Variants in HNF4G observed in about 807,000 individuals in gnomAD.
HNF4G encodes the protein hepatocyte nuclear factor 4 gamma.
HNF4G carries 21 observed loss-of-function variants against 50.9 expected under a neutral mutation model. The observed-to-expected ratio is 0.41, with a 90% CI of 0.29 to 0.59. HNF4G has a LOEUF of 0.59. HNF4G is among the 20% of genes least tolerant of loss of function. The pLI is 0.26. For missense variants in HNF4G, 527 were observed against 559.4 expected, an observed-to-expected ratio of 0.94 and a Z score of 0.58; for synonymous variants, 198 against 185.6, an observed-to-expected ratio of 1.07 and a Z score of -0.54.
At chr8:75,541,152 C>A (rs1275961416) in intron 1 of HNF4G, among the ~76,000 whole-genome samples, 1 of 151,884 alleles carries the variant, frequency 6.6e-6, no homozygotes, top group Admixed American at 6.6e-5. Flanking sequence ...TCATCAGAAT[C>A]CTGAATTTAA....
chr8:75,558,765 T>G, intron 7 of HNF4G, 36 bp from the exon 8 acceptor site: 1 of 1,591,646 alleles, frequency 6.3e-7, no homozygotes. Context: ...GTAATTAGGT[T>G]AAATCTGTAC....
upstream of HNF4G, among the ~76,000 whole-genome samples, chr8:75,537,449 T>C (rs1806495711): frequency 6.6e-6 from 1 of 152,074 alleles, no homozygotes; most frequent in African/African-American, 2.4e-5. Context: ...TTTTGCCATG[T>C]TGCTGTGGCT....
At chr8:75,435,110 G>A (rs1476116442) in intron 1 of HNF4G, among the ~76,000 whole-genome samples, 1 of 152,110 alleles carries the variant, frequency 6.6e-6, no homozygotes, top group African/African-American at 2.4e-5. Context: ...AAAATACAAG[G>A]AGGAAAAATA....
intron 1 of HNF4G, among the ~76,000 whole-genome samples, chr8:75,459,534 T>C (rs1563515013): frequency 6.6e-6 from 1 of 152,216 alleles, no homozygotes; most frequent in Non-Finnish European, 1.5e-5. Context: ...GTCTTGATGT[T>C]ATAAGTCTTG....
chr8:75,511,941 T>C (rs1805765849), intron 2 of HNF4G, among the ~76,000 whole-genome samples: 1 of 152,236 alleles, frequency 6.6e-6, no homozygotes, highest in Non-Finnish European at 1.5e-5. Flanking sequence ...AGTGTTTTTG[T>C]TCCTTTGGTG....
At chr8:75,431,470 G>A (rs1811013390) in intron 1 of HNF4G, among the ~76,000 whole-genome samples, 1 of 152,052 alleles carries the variant, frequency 6.6e-6, no homozygotes, top group African/African-American at 2.4e-5. Context: ...ATAGAAAATA[G>A]AAGACAGTAG....
chr8:75,447,014 C>T (rs891277133), intron 1 of HNF4G, among the ~76,000 whole-genome samples: 75 of 146,546 alleles, frequency 5.1e-4, no homozygotes, highest in African/African-American at 1.6e-3. Flanking sequence ...AGGCATCACA[C>T]TACCTGACTT....
intron 1 of HNF4G, among the ~76,000 whole-genome samples, chr8:75,412,965 A>G (rs1810536516): frequency 6.6e-6 from 1 of 152,054 alleles, no homozygotes; most frequent in Admixed American, 6.6e-5. Context: ...AAAAGGGTAC[A>G]TTTAGCTTGA....
Position 75,566,655 on chromosome 8 carries a change from A to G in HNF4G, c.*2559A>G, listed in dbSNP as rs1807468350. ...TTTTTTCAGGTAATAGAAGTGAATA[A>G]TTTATTGTGAAATAATTCATTTTAT... On this transcript the variant is annotated 3_prime_UTR_variant, in exon 10 of 10. Coordinates refer to ENST00000396423, the MANE Select transcript of HNF4G (RefSeq NM_004133.5). The G allele has an allele frequency of 6.6e-6, 1 of 152,456 alleles. No individual in the cohort carries two copies. Among genetic ancestry groups the G allele is most frequent in the South Asian group, 2.1e-4 (1 of 4,832 alleles). 9.4% of individuals were successfully genotyped at this position (152,456 alleles called of 1,614,324 possible).
upstream of HNF4G, among the ~76,000 whole-genome samples, chr8:75,539,680 A>G (rs1806558182): frequency 6.6e-6 from 1 of 152,190 alleles, no homozygotes; most frequent in South Asian, 2.1e-4. Context: ...AAATCAATTT[A>G]GGAAATCATG....
intron 2 of HNF4G, among the ~76,000 whole-genome samples, chr8:75,531,036 C>T (rs1371259933): frequency 1.3e-5 from 2 of 152,018 alleles, no homozygotes; most frequent in East Asian, 3.9e-4. Flanking sequence ...TCAGGTGATC[C>T]ATCCGCCTTG....
intron 5 of HNF4G, among the ~76,000 whole-genome samples, chr8:75,554,009 C>T (rs192480524): frequency 6.6e-6 from 1 of 152,046 alleles, no homozygotes; most frequent in East Asian, 1.9e-4. Context: ...AATTCCCTTT[C>T]TCTCACCTTA....
chr8:75,559,168 C>T, intron 8 of HNF4G, 131 bp downstream of exon 8: 1 of 686,974 alleles, frequency 1.5e-6, no homozygotes, highest in Non-Finnish European at 2.6e-6. Flanking sequence ...TTTTTTCCTT[C>T]TGCTATGACA....
rs576462907 is a variant in HNF4G at position 75,419,766 on chromosome 8, C to T, written c.-144+11604C>T. Among the ~76,000 whole-genome samples, 7 of 152,320 alleles carry T rather than the reference C, an allele frequency of 4.6e-5. No homozygotes were observed. The South Asian group carries it at 1.0e-3, about 23-fold the overall frequency. ...CTCCAGTGCGTCTGTTTTAAAACAG[C>T]GAGTGATTAGTTGTGTTATGGCTTT... is the stretch of plus-strand genomic sequence containing the variant. On this transcript the variant is annotated intron_variant, in intron 1 of 10. Coordinates refer to the HNF4G transcript ENST00000354370.
At chr8:75,423,335 CTTTTTT>C (rs34511777) in intron 1 of HNF4G, among the ~76,000 whole-genome samples, 1 of 94,622 alleles carries the variant, frequency 1.1e-5, no homozygotes, top group East Asian at 3.5e-4. Flanking sequence ...TTTTCTTTAT[CTTTTTT>C]TTTTTTTTTT....
intron 1 of HNF4G, among the ~76,000 whole-genome samples, chr8:75,484,230 T>C (rs879603909): frequency 4.6e-5 from 7 of 152,166 alleles, no homozygotes; most frequent in Non-Finnish European, 8.8e-5. Context: ...AATAGGAGAA[T>C]GGCTAAGTAT....
intron 1 of HNF4G, among the ~76,000 whole-genome samples, chr8:75,486,992 C>T (rs1003690924): frequency 1.3e-5 from 2 of 152,008 alleles, no homozygotes; most frequent in African/African-American, 2.4e-5. Flanking sequence ...TGCGACAGAG[C>T]GAGACCCTGT....
At chr8:75,516,167 C>A (rs1239424566) in intron 2 of HNF4G, among the ~76,000 whole-genome samples, 2 of 152,242 alleles carry the variant, frequency 1.3e-5, no homozygotes, top group Non-Finnish European at 2.9e-5. Context: ...CTGGGCATCA[C>A]TTAGCCCAGT....
At chr8:75,472,858 C>CTTTTTAAAAA (rs1442081764) in intron 1 of HNF4G, among the ~76,000 whole-genome samples, 1 of 152,054 alleles carries the variant, frequency 6.6e-6, no homozygotes, top group Non-Finnish European at 1.5e-5. Flanking sequence ...GGAATTAATA[C>CTTTTTAAAAA]TTTTTAAAAA....
Sources: gnomAD v4.1 joint callset for allele counts (sites outside exome capture counted in the v4.1 genomes callset) on GRCh38, gnomAD v4.1.1 for gene constraint, MANE v1.5 for transcripts, NCBI Gene and HGNC (gene_info 2026-07-23, HGNC 2026-07-21) for gene names.